The following TRMT44 variants were observed in gnomAD, a reference collection of about 807,000 sequenced individuals.
TRMT44 encodes the protein tRNA methyltransferase 44 homolog, also known as probable tRNA (uracil-O(2)-)-methyltransferase.
A neutral mutation model predicts 77.3 loss-of-function variants in TRMT44; 78 were observed. The observed-to-expected ratio is 1.01, with a 90% confidence interval of 0.84 to 1.22. The LOEUF (loss-of-function observed/expected upper bound fraction) is 1.22. Ranked by LOEUF, TRMT44 falls within the 50% of genes most tolerant of loss-of-function variation. TRMT44 has a pLI of 0.00. For missense variants in TRMT44, 1,090 were observed against 964.4 expected (o/e 1.13, Z -1.73); for synonymous variants, 391 against 383.3 (o/e 1.02, Z -0.23).
downstream of TRMT44, among the ~76,000 whole-genome samples, chr4:8,497,955 G>A (rs368470625): frequency 3.6e-4 from 55 of 152,316 alleles, no homozygotes; most frequent in African/African-American, 1.3e-3. Context: ...GGGGCAGGGA[G>A]CAGGAGCTGT....
the TRMT44 span, among the ~76,000 whole-genome samples, chr4:8,500,800 G>A: frequency 1.3e-5 from 2 of 152,226 alleles, no homozygotes; most frequent in Admixed American, 6.5e-5. Flanking sequence ...TGGGATTACA[G>A]GTGTGCACCA....
rs565926918 is a variant in TRMT44 at position 8,490,936 on chromosome 4, C to G, written n.3892-2330C>G. 5.4e-4 allele frequency among the ~76,000 whole-genome samples: 82 copies of G among 152,170 alleles called. 1 individual carries two copies. The highest frequency in any genetic ancestry group is 1.9e-3 in the African/African-American group (78 of 41,508). ...ATCAGATTAGTTAGATACAGAGTAT[C>G]GACACAAAGGTTCTCCGAGGCCCCA... On this transcript the variant is annotated intron_variant and non_coding_transcript_variant, in intron 2 of 2. Transcript: ENST00000511366.
At chr4:8,489,997 T>C (rs537127612) in intron 2 of TRMT44, among the ~76,000 whole-genome samples, 1 of 152,290 alleles carries the variant, frequency 6.6e-6, no homozygotes, top group East Asian at 1.9e-4. Context: ...TTTTGAGATA[T>C]GTTTTCAGAT....
chr4:8,481,963 G>A (rs1727628088), intron 2 of TRMT44, among the ~76,000 whole-genome samples: 1 of 152,204 alleles, frequency 6.6e-6, no homozygotes, highest in Non-Finnish European at 1.5e-5. Flanking sequence ...AGATTTGCCT[G>A]TAAGCAGATA....
chr4:8,463,807 C>T (rs1485842676), intron 6 of TRMT44, among the ~76,000 whole-genome samples, 178 bp from the exon 7 acceptor site: 1 of 152,226 alleles, frequency 6.6e-6, no homozygotes, highest in Middle Eastern at 3.2e-3. Context: ...GCCCTCTAGG[C>T]AGACCTAGGG....
intron 2 of TRMT44, among the ~76,000 whole-genome samples, chr4:8,449,309 G>C (rs970791270): frequency 2.6e-5 from 4 of 152,266 alleles, no homozygotes; most frequent in African/African-American, 9.6e-5. Context: ...ATACTCATTT[G>C]AGTTGCACCT....
chr4:8,455,499 C>A (rs1008203718), intron 6 of TRMT44, among the ~76,000 whole-genome samples: 1 of 152,246 alleles, frequency 6.6e-6, no homozygotes, highest in African/African-American at 2.4e-5. Flanking sequence ...GTCCTCTTTA[C>A]CCTTGACATT....
intron 6 of TRMT44, among the ~76,000 whole-genome samples, chr4:8,457,461 T>C (rs1310017438): frequency 6.6e-6 from 1 of 152,178 alleles, no homozygotes; most frequent in Non-Finnish European, 1.5e-5. Context: ...CCTCTTGAGT[T>C]AACACCAATG....
At position 8,474,306 on chromosome 4, in the gene TRMT44, G is replaced by A. The variant is rs145262707; in HGVS notation, c.2045-1466G>A. 3.1e-3 allele frequency among the ~76,000 whole-genome samples: 472 copies of A among 152,298 alleles called. 3 individuals carry two copies. The highest frequency in any genetic ancestry group is 0.011 in the African/African-American group (459 of 41,568). On this transcript the variant is annotated intron_variant, in intron 10 of 10. Coordinates refer to ENST00000389737, the MANE Select transcript of TRMT44 (RefSeq NM_152544.3). ...GCCAGGATGTGCCCTTCTGTGCTGC[G>A]CCAGGAGGTGCTGCTGTGGGGACAT...
In TRMT44 at chr4:8,441,063, G is replaced by A. The variant is rs1471802709; in HGVS notation, c.241G>A (p.Gly81Arg). ...GGGACCCGGCCAGGGTTCCCCCGGA[G>A]GGGGCCCGGGTCCCAGGTCGCTATC... ...GPGPGQGSPGGGPGPRSLSGP... is the reference protein window; with the variant it reads ...GPGPGQGSPGRGPGPRSLSGP... Residue 81 changes from glycine (G) to arginine (R), a missense_variant, in exon 1 of 11, where the codon GGG becomes AGG. Physicochemically the swap from Gly to Arg is moderately radical, Grantham distance 125. Coordinates refer to ENST00000389737, the MANE Select transcript of TRMT44 (RefSeq NM_152544.3). 1.5e-5 allele frequency: 22 copies of A among 1,486,584 alleles called. No individual in the cohort carries two copies. Among genetic ancestry groups the A allele is most frequent in the Non-Finnish European group, 1.7e-5 (19 of 1,124,354 alleles). The allele number at this position is 1,486,584 out of a possible 1,614,324, so 92.1% of individuals were successfully genotyped here.
intron 7 of TRMT44, 148 bp downstream of exon 7, chr4:8,464,239 C>T: frequency 1.7e-6 from 1 of 602,170 alleles, no homozygotes; most frequent in Non-Finnish European, 2.9e-6. Flanking sequence ...TTGCTTATTG[C>T]CTGTATTGGG....
At position 8,468,585 on chromosome 4, in the gene TRMT44, A is replaced by G. The variant is rs1726765453; in HGVS notation, c.1927+239A>G. On this transcript the variant is annotated intron_variant, in intron 9 of 10. Coordinates refer to ENST00000389737, the MANE Select transcript of TRMT44 (RefSeq NM_152544.3). ...AGTGACAGAGTTTGGACCCTTAATT[A>G]ACTTTTACCAAACATGCAGGTTTAG... 15 of 595,046 alleles carry G rather than the reference A, an allele frequency of 2.5e-5. No individual in the cohort carries two copies. In the South Asian group the frequency reaches 3.2e-4, roughly 13 times the overall value. The allele number at this position is 595,046 out of a possible 1,614,324, so 36.9% of individuals were successfully genotyped here.
In TRMT44 at chr4:8,468,107, G is replaced by C; in HGVS notation, c.1688G>C (p.Arg563Thr). 2.5e-6 allele frequency: 4 copies of C among 1,613,980 alleles called. No homozygotes were observed. Among genetic ancestry groups the C allele is most frequent in the Non-Finnish European group, 3.4e-6 (4 of 1,179,996 alleles). The change falls in exon 9 of 11, where the codon AGG (arginine) becomes ACG (threonine). Residue 563 changes from arginine (R) to threonine (T), a missense_variant. Arg to Thr is a moderately conservative substitution (Grantham distance 71, BLOSUM62 -1). Coordinates refer to ENST00000389737, the MANE Select transcript of TRMT44 (RefSeq NM_152544.3). ...GACGGTCAGCAAGCTCTGGACGCCA[G>C]GGTCGGGTGTGTAACCAGGGCCTGG... ...HCDGQQALDARVGCVTRAWAA... is the reference protein window; with the variant it reads ...HCDGQQALDATVGCVTRAWAA...
chr4:8,455,930 GA>G lies in TRMT44; in HGVS notation c.1203+1124del, dbSNP rs368800838. Among the ~76,000 whole-genome samples, 1,216 of 151,990 alleles carry G rather than the reference GA, an allele frequency of 8.0e-3. 14 individuals carry two copies. Among genetic ancestry groups the G allele is most frequent in the African/African-American group, 0.028 (1,164 of 41,442 alleles). On this transcript the variant is annotated intron_variant, in intron 6 of 10. Coordinates refer to ENST00000389737, the MANE Select transcript of TRMT44 (RefSeq NM_152544.3). ...ATGAAATGCATAACCTAGAAATATT[GA>G]AAAAAATTCAGAAAAAGTTAGATAT...
At chr4:8,448,004 C>T (rs917226506) in intron 2 of TRMT44, among the ~76,000 whole-genome samples, 20 of 152,148 alleles carry the variant, frequency 1.3e-4, no homozygotes, top group Non-Finnish European at 2.1e-4. Context: ...CTACTGAGGA[C>T]GTGGCTGCTG....
the TRMT44 span, among the ~76,000 whole-genome samples, chr4:8,506,470 C>G: frequency 6.6e-5 from 10 of 152,178 alleles, no homozygotes; most frequent in Admixed American, 2.6e-4. Context: ...GAGGTAGTGA[C>G]TGTCCTTCCA....
At chr4:8,508,092 A>G in the TRMT44 span, among the ~76,000 whole-genome samples, 3 of 152,124 alleles carry the variant, frequency 2.0e-5, no homozygotes, top group Non-Finnish European at 4.4e-5. Context: ...TTTGTAGTAG[A>G]GATGGGGTTT....
chr4:8,495,898 C>T (rs534401577), downstream of TRMT44, among the ~76,000 whole-genome samples: 2 of 152,338 alleles, frequency 1.3e-5, no homozygotes, highest in East Asian at 1.9e-4. Flanking sequence ...ACTCTTCACT[C>T]TGGTCCTCTC....
the TRMT44 span, among the ~76,000 whole-genome samples, chr4:8,507,757 C>A: frequency 2.0e-5 from 3 of 152,208 alleles, no homozygotes; most frequent in Non-Finnish European, 1.5e-5. Context: ...CTTGAGGAGA[C>A]ACAGCGTGTT....
Sources: gnomAD v4.1 joint callset for allele counts (sites outside exome capture counted in the v4.1 genomes callset) on GRCh38, gnomAD v4.1.1 for gene constraint, MANE v1.5 for transcripts, NCBI Gene and HGNC (gene_info 2026-07-23, HGNC 2026-07-21) for gene names.